SCML4: variants seen among roughly 807,000 people sequenced by gnomAD.
SCML4 encodes the protein Scm polycomb group protein like 4.
In SCML4, 34 loss-of-function variants were observed where a neutral mutation model predicts 41.1. That is an observed-to-expected ratio of 0.83 (90% confidence interval 0.63 to 1.10). The LOEUF (loss-of-function observed/expected upper bound fraction) is 1.10. Among genes scored for constraint, SCML4 ranks in the 50% least tolerant of loss-of-function variants. The pLI is 0.00. For synonymous variants in SCML4, 214 were observed against 220.9 expected (o/e 0.97, Z 0.28); for missense variants, 522 against 534.1 (o/e 0.98, Z 0.22).
In SCML4 at chr6:107,746,692, A is replaced by G. The variant is rs896533376; in HGVS notation, c.484T>C (p.Ser162Pro). The part of the protein sequence containing the change: ...VKQGYGGEMV[S>P]VSASFDGKQH... ...TGCAACCTGCCCCAGGCCTTACCTG[A>G]CACCATCTCACCACCATAGCCCTGC... The change falls in exon 4 of 8, where the codon TCA (serine) becomes CCA (proline). Residue 162 changes from serine to proline, a missense_variant. Physicochemically the swap from Ser to Pro is moderately conservative, Grantham distance 74. Transcript: ENST00000369020. 2 of 1,613,696 alleles carry G rather than the reference A, an allele frequency of 1.2e-6. No individual in the cohort carries two copies. Among genetic ancestry groups the G allele is most frequent in the African/African-American group, 1.3e-5 (1 of 75,032 alleles).
At chr6:107,766,018 C>T (rs778421957) in intron 2 of SCML4, among the ~76,000 whole-genome samples, 2 of 152,222 alleles carry the variant, frequency 1.3e-5, no homozygotes, top group African/African-American at 4.8e-5. Context: ...GGCATGGTGG[C>T]ACATGCCTGT....
At chr6:107,766,478 T>C (rs1018780796) in intron 2 of SCML4, among the ~76,000 whole-genome samples, 1 of 151,808 alleles carries the variant, frequency 6.6e-6, no homozygotes, top group Admixed American at 6.6e-5. Flanking sequence ...CCTGTCCAGA[T>C]AAAAAACAAA....
chr6:107,713,634 G>C (rs1047330891), intron 6 of SCML4, among the ~76,000 whole-genome samples: 2 of 152,218 alleles, frequency 1.3e-5, no homozygotes, highest in Non-Finnish European at 2.9e-5. Flanking sequence ...GTGTCTCAGG[G>C]CTGGAGCCTG....
intron 7 of SCML4, among the ~76,000 whole-genome samples, chr6:107,707,295 G>C (rs750335883): frequency 6.6e-6 from 1 of 152,176 alleles, no homozygotes; most frequent in Non-Finnish European, 1.5e-5. Flanking sequence ...GCGACAGAAT[G>C]AGACTCCGTC....
At chr6:107,749,650 C>T (rs377664747) in intron 3 of SCML4, 34 bp downstream of exon 3, 23 of 1,611,524 alleles carry the variant, frequency 1.4e-5, no homozygotes, top group Non-Finnish European at 1.8e-5. Context: ...CTCTACAGAC[C>T]ATCACAGCCT....
rs1047411259 is a variant in SCML4 at position 107,761,151 on chromosome 6, T to C, written c.156+11021A>G. 3.9e-5 allele frequency among the ~76,000 whole-genome samples: 6 copies of C among 152,084 alleles called. No individual in the cohort carries two copies. The East Asian group carries it at 1.2e-3, about 29-fold the overall frequency. On this transcript the variant is annotated intron_variant, in intron 2 of 7. Coordinates refer to ENST00000369020, the MANE Select transcript of SCML4 (RefSeq NM_198081.5). ...ATAAGAGTTTCAGAAGAAAAGAATA[T>C]GGAGAATGGAAAGGAGATTATATTT...
At chr6:107,836,965 C>G in the SCML4 span, among the ~76,000 whole-genome samples, 1 of 152,308 alleles carries the variant, frequency 6.6e-6, no homozygotes, top group East Asian at 1.9e-4. Context: ...TTTTAGAGTA[C>G]TACATTTCTC....
the SCML4 span, among the ~76,000 whole-genome samples, chr6:107,833,759 A>T: frequency 3.4e-4 from 52 of 152,262 alleles, no homozygotes; most frequent in Non-Finnish European, 5.4e-4. Context: ...TTAGAAAAAA[A>T]TTTTTTACAA....
Position 107,746,815 on chromosome 6 carries a change from G to T in SCML4, c.361C>A (p.His121Asn), listed in dbSNP as rs1449315478. The change falls in exon 4 of 8, where the codon CAT (histidine) becomes AAT (asparagine). Residue 121 changes from histidine (H) to asparagine (N), a missense_variant. Physicochemically the swap from His to Asn is moderately conservative, Grantham distance 68. Transcript: ENST00000369020. Reference sequence around the variant, plus strand: ...GCCGATGGCCGCTCGGGCCCAAAATGCTCCGGGAGCTGCTGCACCTTCTTC... The same window carrying T: ...GCCGATGGCCGCTCGGGCCCAAAATTCTCCGGGAGCTGCTGCACCTTCTTC... ...ERKKVQQLPE[H>N]FGPERPSAVL... is the part of the protein sequence containing the mutation. The T allele has an allele frequency of 6.2e-7, 1 of 1,614,134 alleles. No homozygotes were observed. The highest frequency in any genetic ancestry group is 2.2e-5 in the East Asian group (1 of 44,884).
intron 1 of SCML4, among the ~76,000 whole-genome samples, chr6:107,809,668 G>A (rs1448222558): frequency 1.3e-5 from 2 of 152,220 alleles, no homozygotes; most frequent in Non-Finnish European, 2.9e-5. Flanking sequence ...GAATAAAGGA[G>A]AAGGGGAAGA....
At chr6:107,780,030 G>A (rs2114591823) in intron 1 of SCML4, among the ~76,000 whole-genome samples, 1 of 152,280 alleles carries the variant, frequency 6.6e-6, no homozygotes, top group African/African-American at 2.4e-5. Flanking sequence ...TGTTTCACAT[G>A]TCACTCTGCT....
chr6:107,832,072 A>AAAG, the SCML4 span, among the ~76,000 whole-genome samples: 1 of 150,642 alleles, frequency 6.6e-6, no homozygotes, highest in African/African-American at 2.4e-5. Context: ...CAAAAAAAAA[A>AAAG]AAAGAAAGAA....
the SCML4 span, among the ~76,000 whole-genome samples, chr6:107,842,461 G>A: frequency 2.6e-5 from 4 of 152,168 alleles, no homozygotes; most frequent in South Asian, 2.1e-4. Context: ...GCAGTGGCGC[G>A]ATCTTGGCTC....
chr6:107,813,503 T>C (rs913548868), intron 1 of SCML4, among the ~76,000 whole-genome samples: 2 of 149,742 alleles, frequency 1.3e-5, no homozygotes, highest in East Asian at 3.9e-4. Context: ...GGATACATTT[T>C]GAAGCTGGAG....
upstream of SCML4, among the ~76,000 whole-genome samples, chr6:107,827,974 C>T (rs896205233): frequency 1.3e-5 from 2 of 152,278 alleles, no homozygotes; most frequent in East Asian, 3.9e-4. Context: ...GTGCTACCGC[C>T]GAAACAACCT....
At chr6:107,706,424 T>C (rs1773636447) in intron 7 of SCML4, among the ~76,000 whole-genome samples, 3 of 152,214 alleles carry the variant, frequency 2.0e-5, no homozygotes, top group African/African-American at 7.2e-5. Context: ...AGGCAAGTGC[T>C]GAGTTAGATG....
the SCML4 span, among the ~76,000 whole-genome samples, chr6:107,842,889 G>A: frequency 6.6e-6 from 1 of 152,022 alleles, no homozygotes; most frequent in Non-Finnish European, 1.5e-5. Flanking sequence ...TTCTTATTAT[G>A]TAACATTACT....
chr6:107,714,857 G>A (rs1424577465), intron 6 of SCML4, among the ~76,000 whole-genome samples: 2 of 151,490 alleles, frequency 1.3e-5, no homozygotes, highest in African/African-American at 2.4e-5. Flanking sequence ...AGGGCCACCA[G>A]CTCACTCCCC....
intron 7 of SCML4, 110 bp downstream of exon 7, chr6:107,707,756 G>A: frequency 7.2e-7 from 1 of 1,392,724 alleles, no homozygotes; most frequent in Non-Finnish European, 9.9e-7. Context: ...TTAGTTTAGA[G>A]CACCCCTCCA....
Sources: allele counts gnomAD v4.1 joint callset (sites outside exome capture counted in the v4.1 genomes callset), GRCh38; gene constraint gnomAD v4.1.1; transcripts MANE v1.5; gene names NCBI Gene and HGNC (gene_info 2026-07-23, HGNC 2026-07-21).